NBEAL1: variants seen among roughly 807,000 people sequenced by gnomAD.
The protein encoded by NBEAL1 is neurobeachin like 1.
In NBEAL1, 273 loss-of-function variants were observed where a neutral mutation model predicts 351.3. That is an observed-to-expected ratio of 0.78 (90% CI 0.70 to 0.86). NBEAL1 has a LOEUF of 0.86. NBEAL1 is among the 40% of genes least tolerant of loss of function. The pLI is 0.00. For synonymous variants in NBEAL1, 1,050 were observed against 1,086.4 expected (o/e 0.97, Z 0.66); for missense variants, 2,961 against 3,201.3 (o/e 0.92, Z 1.81).
At chr2:203,043,728 CAAAAA>C (rs762609803) in intron 3 of NBEAL1, among the ~76,000 whole-genome samples, 1 of 63,032 alleles carries the variant, frequency 1.6e-5, no homozygotes, top group African/African-American at 6.1e-5. Context: ...AACCCTGTCT[CAAAAA>C]AAAAAAAAAA....
intron 39 of NBEAL1, among the ~76,000 whole-genome samples, chr2:203,171,230 C>T (rs990592203): frequency 6.6e-6 from 1 of 152,060 alleles, no homozygotes; most frequent in Non-Finnish European, 1.5e-5. Context: ...TGCACTCCAG[C>T]CTGGGCAACA....
chr2:203,093,306 A>G (rs2062107397), intron 10 of NBEAL1, among the ~76,000 whole-genome samples: 2 of 151,836 alleles, frequency 1.3e-5, no homozygotes, highest in Non-Finnish European at 1.5e-5. Flanking sequence ...AATTCCTACT[A>G]AAATTTGTTA....
At chr2:203,083,044 A>G (rs1473488885) in intron 8 of NBEAL1, among the ~76,000 whole-genome samples, 175 bp from the exon 9 acceptor site, 2 of 152,238 alleles carry the variant, frequency 1.3e-5, no homozygotes, top group African/African-American at 4.8e-5. Flanking sequence ...TCTGAGAGGA[A>G]GGGAAGATTT....
chr2:203,043,154 A>T (rs1051611661), intron 3 of NBEAL1, among the ~76,000 whole-genome samples: 1 of 152,194 alleles, frequency 6.6e-6, no homozygotes, highest in African/African-American at 2.4e-5. Context: ...GACCTTAGAA[A>T]ACATCTTAGA....
intron 23 of NBEAL1, among the ~76,000 whole-genome samples, chr2:203,127,461 C>T (rs967964641): frequency 3.9e-5 from 6 of 152,248 alleles, no homozygotes; most frequent in African/African-American, 9.6e-5. Flanking sequence ...CGGTGGCTCA[C>T]GCCTGTAATC....
intron 55 of NBEAL1, among the ~76,000 whole-genome samples, chr2:203,215,139 T>C (rs185065543): frequency 8.8e-4 from 134 of 152,006 alleles, no homozygotes; most frequent in African/African-American, 3.1e-3. Context: ...GGGCGGATCA[T>C]GAGGTCAAGA....
At chr2:203,178,944 C>G (rs1559041695) in intron 42 of NBEAL1, among the ~76,000 whole-genome samples, 1 of 152,132 alleles carries the variant, frequency 6.6e-6, no homozygotes, top group Non-Finnish European at 1.5e-5. Flanking sequence ...AATTTTATCT[C>G]AAAACTATGC....
In NBEAL1 at chr2:203,179,529, T is replaced by C. The variant is rs547214693; in HGVS notation, c.6465-853T>C. Among the ~76,000 whole-genome samples the C allele has an allele frequency of 1.7e-4, 26 of 152,180 alleles. No individual in the cohort carries two copies. In the South Asian group the frequency reaches 5.2e-3, roughly 30 times the overall value. On this transcript the variant is annotated intron_variant, in intron 42 of 55. Coordinates refer to ENST00000683969, the MANE Select transcript of NBEAL1 (RefSeq NM_001378026.1). ...TTAATTAATTGAAAATTAAATAATA[T>C]TAAAATAAGACAATAGATTATGCAA...
At position 203,175,013 on chromosome 2, in the gene NBEAL1, A is replaced by G. The variant is rs1365667964; in HGVS notation, c.6324-134A>G. ...TAGTATGGTATAATGATATGAATAC[A>G]GAGTTTGATAATGAGGCATATGAAG... On this transcript the variant is annotated intron_variant, in intron 41 of 55. Transcript: ENST00000683969. 9.6e-6 allele frequency: 7 copies of G among 732,128 alleles called. No individual in the cohort carries two copies. In the African/African-American group the frequency reaches 1.1e-4, roughly 11 times the overall value. 45.4% of individuals were successfully genotyped at this position (732,128 alleles called of 1,614,324 possible). A position where few individuals can be genotyped will look rare whatever the true frequency, so the allele number is the denominator to read the frequency against.
At chr2:203,189,083 G>A (rs2064995754) in intron 45 of NBEAL1, among the ~76,000 whole-genome samples, 1 of 152,200 alleles carries the variant, frequency 6.6e-6, no homozygotes, top group Admixed American at 6.5e-5. Context: ...TAGTAAATGA[G>A]CATATTTTTG....
rs983076759 is a variant in NBEAL1 at position 203,036,028 on chromosome 2, G to A, written c.52-5737G>A. ...GTCATGTACAAACATAGGCTGACTT[G>A]TTTAAGAAAGTAACAGAGCAGGGAT... On this transcript the variant is annotated intron_variant, in intron 2 of 55. Transcript: ENST00000683969. 5.4e-5 allele frequency among the ~76,000 whole-genome samples: 8 copies of A among 149,304 alleles called. 1 individual carries two copies. The highest frequency in any genetic ancestry group is 7.3e-5 in the African/African-American group (3 of 41,036).
intron 6 of NBEAL1, among the ~76,000 whole-genome samples, chr2:203,063,904 A>G (rs2106113217): frequency 6.6e-6 from 1 of 152,318 alleles, no homozygotes; most frequent in South Asian, 2.1e-4. Flanking sequence ...TCCAAGTGCC[A>G]ATTAGTAAAT....
chr2:203,144,782 T>C lies in NBEAL1; in HGVS notation c.5031T>C (p.Tyr1677=). 6.2e-7 allele frequency: 1 copy of C among 1,614,180 alleles called. No individual in the cohort carries two copies. Among genetic ancestry groups the C allele is most frequent in the Non-Finnish European group, 8.5e-7 (1 of 1,179,996 alleles). The part of the protein sequence containing the change: ...PLVRTLVSKI[Y]ELLFMNLHLP... Reference sequence around the variant, plus strand: ...TTCGTACCCTGGTTTCCAAAATTTATGAGCTTCTCTTCATGAACTTGCACC... The same window carrying C: ...TTCGTACCCTGGTTTCCAAAATTTACGAGCTTCTCTTCATGAACTTGCACC... The change falls in exon 32 of 56, where the codon TAT becomes TAC. Residue 1677 remains tyrosine (Y), a synonymous_variant. Coordinates refer to ENST00000683969, the MANE Select transcript of NBEAL1 (RefSeq NM_001378026.1).
chr2:203,215,503 A>G (rs1295944002), intron 55 of NBEAL1, among the ~76,000 whole-genome samples: 3 of 151,936 alleles, frequency 2.0e-5, no homozygotes, highest in African/African-American at 7.3e-5. Context: ...CCAAGACTCC[A>G]TCTCAGAAAA....
At chr2:203,190,530 T>C (rs2065041013) in intron 46 of NBEAL1, 141 bp downstream of exon 46, 1 of 742,826 alleles carries the variant, frequency 1.3e-6, no homozygotes, top group Non-Finnish European at 2.2e-6. Flanking sequence ...CAGAAAGTCT[T>C]ATATTATTTC....
At chr2:203,149,224 C>A in intron 34 of NBEAL1, 76 bp downstream of exon 34, 1 of 999,118 alleles carries the variant, frequency 1.0e-6, no homozygotes, top group Non-Finnish European at 1.4e-6. Flanking sequence ...CAAATGCCCC[C>A]TTTCACTCCA....
At chr2:203,199,258 T>C in intron 48 of NBEAL1, 80 bp from the exon 49 acceptor site, 1 of 755,198 alleles carries the variant, frequency 1.3e-6, no homozygotes, top group Non-Finnish European at 2.3e-6. Flanking sequence ...TAAATGCCAA[T>C]GTCATGTGAG....
rs1028711165 is a variant in NBEAL1 at position 203,057,383 on chromosome 2, G to T, written c.445G>T (p.Val149Leu). 12 of 1,552,280 alleles carry T rather than the reference G, an allele frequency of 7.7e-6. No homozygotes were observed. Among genetic ancestry groups the T allele is most frequent in the Admixed American group, 2.0e-5 (1 of 50,982 alleles). ...MADQTCIEEF[V>L]IHALAFCESL... The stretch of plus-strand genomic sequence containing the variant: ...AGATCAGACATGTATTGAAGAATTT[G>T]TGATCCACGCATTGGCATTTTGTGA... Residue 149 changes from valine to leucine, a missense_variant, in exon 6 of 56, where the codon GTG (valine) becomes TTG (leucine). By Grantham distance (32) the Val-to-Leu change is conservative. Coordinates refer to ENST00000683969, the MANE Select transcript of NBEAL1 (RefSeq NM_001378026.1).
intron 2 of NBEAL1, among the ~76,000 whole-genome samples, chr2:203,021,190 C>T (rs937538819): frequency 3.3e-5 from 5 of 151,756 alleles, no homozygotes; most frequent in African/African-American, 4.8e-5. Flanking sequence ...CCATGTTGGC[C>T]GGGCTGGTCT....
Sources: allele counts gnomAD v4.1 joint callset (sites outside exome capture counted in the v4.1 genomes callset), GRCh38; gene constraint gnomAD v4.1.1; transcripts MANE v1.5; gene names NCBI Gene and HGNC (gene_info 2026-07-23, HGNC 2026-07-21).